Variants in PLA2G6 observed in about 807,000 individuals in gnomAD.
PLA2G6 encodes phospholipase A2 group VI, also known as 85/88 kDa calcium-independent phospholipase A2.
Under a neutral mutation model 83.8 loss-of-function variants are expected in PLA2G6, and 62 were observed. The observed-to-expected ratio is 0.74, with a 90% CI of 0.60 to 0.91. The LOEUF is 0.91. Ranked by LOEUF, PLA2G6 falls within the 40% of genes least tolerant of loss-of-function variation. The pLI, the probability that PLA2G6 is intolerant of heterozygous loss-of-function variation, is 0.00. For synonymous variants in PLA2G6, 417 were observed against 449.8 expected, an observed-to-expected ratio of 0.93 and a Z score of 0.92; for missense variants, 944 against 1,102.0, an observed-to-expected ratio of 0.86 and a Z score of 2.03.
intron 2 of PLA2G6, chr22:38,148,201 G>C: frequency 1.1e-5 from 4 of 354,868 alleles, no homozygotes; most frequent in Non-Finnish European, 2.1e-5. Context: ...GATTAAAGTG[G>C]GTTTAAGGAC....
chr22:38,177,222 T>C (rs4385), intron 1 of PLA2G6, among the ~76,000 whole-genome samples: 77,554 of 151,476 alleles, frequency 0.51, 20,372 homozygotes, highest in South Asian at 0.64. Flanking sequence ...GTGCTCAATC[T>C]GTGGGTGAGA....
At chr22:38,178,729 G>A (rs1353529799) in intron 1 of PLA2G6, among the ~76,000 whole-genome samples, 1 of 152,148 alleles carries the variant, frequency 6.6e-6, no homozygotes, top group African/African-American at 2.4e-5. Context: ...AGCTGGGTGT[G>A]GTGGCGTGCA....
In PLA2G6 at chr22:38,132,678, G is replaced by A. The variant is rs2088289940; in HGVS notation, c.1077+153C>T. 4.4e-6 allele frequency: 3 copies of A among 687,178 alleles called. No homozygotes were observed. The highest frequency in any genetic ancestry group is 2.6e-5 in the Admixed American group (1 of 38,044). 42.6% of individuals were successfully genotyped at this position (687,178 alleles called of 1,614,324 possible). A position where few individuals can be genotyped will look rare whatever the true frequency, so the allele number is the denominator to read the frequency against. On this transcript the variant is annotated intron_variant, in intron 7 of 16. Transcript: ENST00000332509. The surrounding 1 kb of genome is among the most constrained non-coding windows in gnomAD (Gnocchi z 5.0). ...GGGACTTGGAAGGCTTCCTGAGGGA[G>A]GAGTCAGGGTCTGAACTGAGCTTTG...
chr22:38,111,809 C>G lies in PLA2G6; in HGVS notation c.*352G>C. 5.4e-6 allele frequency: 2 copies of G among 368,480 alleles called. No homozygotes were observed. Among genetic ancestry groups the G allele is most frequent in the Non-Finnish European group, 1.1e-5 (2 of 190,430 alleles). 22.8% of individuals were successfully genotyped at this position (368,480 alleles called of 1,614,324 possible). A position where few individuals can be genotyped will look rare whatever the true frequency, so the allele number is the denominator to read the frequency against. ...TGCTGGGGGCTGGGGCAGAGGCAGC[C>G]CGGCAGGCCCTCAGGGAGGCTGGGG... On this transcript the variant is annotated 3_prime_UTR_variant, in exon 17 of 17. Transcript: ENST00000332509.
At chr22:38,115,864 G>A in intron 13 of PLA2G6, 183 bp from the exon 14 acceptor site, 6 of 1,477,842 alleles carry the variant, frequency 4.1e-6, no homozygotes, top group Non-Finnish European at 5.4e-6. Flanking sequence ...TGGAAGGCAG[G>A]TACAGCTGAG....
At chr22:38,137,389 C>CT (rs2088621711) in intron 5 of PLA2G6, 1 of 152,650 alleles carries the variant, frequency 6.6e-6, no homozygotes, top group South Asian at 2.1e-4. Context: ...GATGCCGTCT[C>CT]TGAGCTCCTA....
chr22:38,127,723 G>A (rs999942224), intron 9 of PLA2G6, among the ~76,000 whole-genome samples: 8 of 152,198 alleles, frequency 5.3e-5, no homozygotes, highest in Non-Finnish European at 1.2e-4. Context: ...GTCCAGAGAA[G>A]GGTCCTGTCT....
chr22:38,112,888 C>CCTCTCTCT (rs34550422), intron 15 of PLA2G6: 4 of 453,176 alleles, frequency 8.8e-6, no homozygotes, highest in Middle Eastern at 6.2e-4. Flanking sequence ...CTCCCTCCCT[C>CCTCTCTCT]CTCTCTCTCT....
chr22:38,145,003 T>C, intron 3 of PLA2G6: 1 of 358,338 alleles, frequency 2.8e-6, no homozygotes, highest in South Asian at 2.1e-5. Context: ...TTGTCCTTCT[T>C]ACATTTTAAT....
intron 2 of PLA2G6, among the ~76,000 whole-genome samples, chr22:38,150,815 G>A (rs1459486448): frequency 1.3e-5 from 2 of 152,322 alleles, no homozygotes; most frequent in Middle Eastern, 3.4e-3. Flanking sequence ...GGCCAGGCAC[G>A]GCGGCTCATG....
chr22:38,146,190 C>T, intron 2 of PLA2G6: 1 of 169,378 alleles, frequency 5.9e-6, no homozygotes, highest in Non-Finnish European at 1.3e-5. Context: ...CGTGTGCTGC[C>T]ACACCTGGCT....
chr22:38,180,311 A>G (rs1180171584), intron 1 of PLA2G6: 3 of 152,220 alleles, frequency 2.0e-5, no homozygotes, highest in African/African-American at 4.8e-5. Context: ...GAAGTGTCCT[A>G]AACAGTAGCA....
Position 38,128,427 on chromosome 22 carries a change from A to T in PLA2G6, c.1190T>A (p.Val397Asp), listed in dbSNP as rs2088002818. 1 of 1,613,934 alleles carries T rather than the reference A, an allele frequency of 6.2e-7. No homozygotes were observed. Among genetic ancestry groups the T allele is most frequent in the Non-Finnish European group, 8.5e-7 (1 of 1,179,990 alleles). The change falls in exon 9 of 17, where the codon GTC becomes GAC. Residue 397 changes from valine to aspartate, a missense_variant. Transcript: ENST00000332509. This position sits in a 1 kb window ranked among gnomAD's most constrained non-coding sequence, Gnocchi z 4.4. ...TFLASKIGRLVTRKAILTLLR... is the reference protein window; with the variant it reads ...TFLASKIGRLDTRKAILTLLR... ...CAGAGTCAAGATCGCCTTCCTGGTG[A>T]CAACTTGTCATGGTTTGGGGAAGGG...
intron 2 of PLA2G6, chr22:38,148,490 C>A (rs1221407848): frequency 2.8e-6 from 2 of 716,814 alleles, no homozygotes; most frequent in South Asian, 1.5e-5. Flanking sequence ...ACTGATGACT[C>A]ACCAGGCTGG....
intron 5 of PLA2G6, chr22:38,136,522 G>C (rs1374519560): frequency 6.6e-6 from 1 of 151,718 alleles, no homozygotes; most frequent in East Asian, 1.9e-4. Context: ...AACCCGGGAG[G>C]TGGAGGTAAC....
At chr22:38,146,375 G>A (rs2089262716) in intron 2 of PLA2G6, 1 of 152,624 alleles carries the variant, frequency 6.6e-6, no homozygotes, top group Admixed American at 6.5e-5. Flanking sequence ...GTTGACAGGG[G>A]GTCTTGCTAT....
intron 7 of PLA2G6, chr22:38,131,235 G>C (rs1602129254): frequency 1.3e-5 from 2 of 152,158 alleles, no homozygotes; most frequent in Admixed American, 1.3e-4. Flanking sequence ...ATGTTGGCCA[G>C]GCTGGTCTCG....
chr22:38,171,573 C>T (rs893045303), intron 1 of PLA2G6, among the ~76,000 whole-genome samples: 2 of 151,974 alleles, frequency 1.3e-5, no homozygotes, highest in Non-Finnish European at 2.9e-5. Flanking sequence ...AATCCCAGCA[C>T]TCTGGGAGGC....
intron 2 of PLA2G6, chr22:38,163,633 T>C (rs1037214730): frequency 1.2e-5 from 2 of 169,506 alleles, no homozygotes; most frequent in South Asian, 2.0e-4. Flanking sequence ...AGGAGCCGTG[T>C]GTCCAGCCAA....
Sources: gnomAD v4.1 joint callset for allele counts (sites outside exome capture counted in the v4.1 genomes callset) on GRCh38, gnomAD v4.1.1 for gene constraint, Gnocchi (gnomAD v3.1) non-coding constraint, MANE v1.5 for transcripts, NCBI Gene and HGNC (gene_info 2026-07-23, HGNC 2026-07-21) for gene names.